The following DKKL1 variants were observed in gnomAD, a reference collection of about 807,000 sequenced individuals.
DKKL1 encodes the protein dickkopf-like protein 1.
DKKL1 carries 11 observed loss-of-function variants against 16.5 expected under a neutral mutation model. The ratio of observed to expected loss-of-function variants is 0.67; its 90% CI spans 0.42 to 1.10. The LOEUF (loss-of-function observed/expected upper bound fraction) is 1.10, where lower values mean the gene tolerates loss of function less well. Ranked by LOEUF, DKKL1 falls within the 50% of genes least tolerant of loss-of-function variation. DKKL1 has a pLI of 0.00. For missense variants in DKKL1, 320 were observed against 308.1 expected (o/e 1.04, Z -0.29); for synonymous variants, 119 against 133.2 (o/e 0.89, Z 0.73).
At chr19:49,363,625 T>A, upstream of DKKL1, 1 of 340,424 alleles carries the variant, frequency 2.9e-6, no homozygotes, top group Admixed American at 4.2e-5. Flanking sequence ...CGCCAGGACT[T>A]CCAGGACTTG....
chr19:49,363,256 G>A (rs1973080677), upstream of DKKL1: 1 of 152,144 alleles, frequency 6.6e-6, no homozygotes, highest in African/African-American at 2.5e-5. Context: ...GGTCCTCAGG[G>A]AAAAGGAAGT....
chr19:49,362,364 C>T (rs989145177), upstream of DKKL1: 2 of 152,248 alleles, frequency 1.3e-5, no homozygotes, highest in African/African-American at 4.8e-5. Context: ...CCCGCCGGCG[C>T]CTTCCTACCT....
At chr19:49,369,323 TTTTTTG>T (rs370078046) in intron 4 of DKKL1, 3 of 142,156 alleles carry the variant, frequency 2.1e-5, no homozygotes, top group African/African-American at 9.4e-5. Flanking sequence ...CAGCTAATTT[TTTTTTG>T]TTTGTTTTTT....
In DKKL1 at chr19:49,375,048, C is replaced by A; in HGVS notation, c.*20C>A. ...CTGTAGGGGTGGGGACCGGGGAGCA[C>A]CTGCCTGTAGCCCCCATCAGACCCT... is the stretch of plus-strand genomic sequence containing the variant. On this transcript the variant is annotated 3_prime_UTR_variant, in exon 5 of 5. Transcript: ENST00000221498. 6.3e-7 allele frequency: 1 copy of A among 1,580,474 alleles called. No individual in the cohort carries two copies. Among genetic ancestry groups the A allele is most frequent in the East Asian group, 2.3e-5 (1 of 44,328 alleles).
At chr19:49,364,057 C>G in intron 1 of DKKL1, 49 bp downstream of exon 1, 1 of 1,608,694 alleles carries the variant, frequency 6.2e-7, no homozygotes, top group Non-Finnish European at 8.5e-7. Context: ...GAGGAAAAGA[C>G]CATTGGATGA....
upstream of DKKL1, chr19:49,363,128 G>A (rs7250522): frequency 0.26 from 38,877 of 151,406 alleles, 5,191 homozygotes; most frequent in African/African-American, 0.31. Context: ...CGGCTGTCCC[G>A]GGACGGGGAA....
At chr19:49,372,102 T>TA (rs557141625) in intron 4 of DKKL1, among the ~76,000 whole-genome samples, 273 of 151,404 alleles carry the variant, frequency 1.8e-3, no homozygotes, top group Middle Eastern at 6.8e-3. Context: ...GTCTTTATGG[T>TA]AAAAAAAAAT....
chr19:49,364,710 G>A lies in DKKL1; in HGVS notation c.139G>A (p.Gly47Ser). Residue 47 changes from glycine to serine, a missense_variant, in exon 2 of 5, where the codon GGC (glycine) becomes AGC (serine). Coordinates refer to ENST00000221498, the MANE Select transcript of DKKL1 (RefSeq NM_014419.4). The stretch of plus-strand genomic sequence containing the variant: ...CCAAGAGAGCTCCTTGGGTCTCACA[G>A]GCCTCCAGAGCCTACTCCAAGGCTT... The part of the protein sequence containing the change: ...DAQESSLGLT[G>S]LQSLLQGFSR... 3.1e-6 allele frequency: 5 copies of A among 1,614,132 alleles called. No individual in the cohort carries two copies. Among genetic ancestry groups the A allele is most frequent in the South Asian group, 1.1e-5 (1 of 91,074 alleles).
intron 4 of DKKL1, chr19:49,371,154 AG>A (rs1973466932): frequency 6.6e-6 from 1 of 152,324 alleles, no homozygotes; most frequent in Non-Finnish European, 1.5e-5. Flanking sequence ...CTGAAAAGGC[AG>A]AAGAAATGTA....
At chr19:49,365,488 C>T (rs1240985844) in intron 2 of DKKL1, 21 bp from the exon 3 acceptor site, 2 of 1,579,362 alleles carry the variant, frequency 1.3e-6, no homozygotes, top group Admixed American at 1.7e-5. Context: ...AGCAGCTCAC[C>T]AGTCCCTCCT....
rs370996875 is a variant in DKKL1 at position 49,370,803 on chromosome 19, G to A, written c.418-3914G>A. On this transcript the variant is annotated intron_variant, in intron 4 of 4. Coordinates refer to ENST00000221498, the MANE Select transcript of DKKL1 (RefSeq NM_014419.4). ...TAAATGATTTCAAGGATGACCTGGC[G>A]GGGATGGTGATCAGTGAAAAGTCCC... 4.6e-5 allele frequency: 7 copies of A among 152,306 alleles called. No individual in the cohort carries two copies. The East Asian group carries it at 7.7e-4, about 17-fold the overall frequency. The allele number at this position is 152,306 out of a possible 1,614,324, so 9.4% of individuals were successfully genotyped here.
At chr19:49,363,285 G>T (rs1420508323), upstream of DKKL1, 1 of 153,030 alleles carries the variant, frequency 6.5e-6, no homozygotes, top group Non-Finnish European at 1.5e-5. Flanking sequence ...GGGTTCCTTG[G>T]AAGATGAAAT....
intron 4 of DKKL1, among the ~76,000 whole-genome samples, chr19:49,372,915 C>T (rs1442951162): frequency 6.6e-6 from 1 of 151,912 alleles, no homozygotes. Context: ...GCAGGAAAAT[C>T]GTTTGAACCC....
At chr19:49,368,170 G>A (rs750351778) in intron 4 of DKKL1, among the ~76,000 whole-genome samples, 5 of 152,004 alleles carry the variant, frequency 3.3e-5, no homozygotes, top group South Asian at 2.1e-4. Context: ...AAAATTAGCC[G>A]GGCATGGCAG....
intron 4 of DKKL1, among the ~76,000 whole-genome samples, chr19:49,372,367 T>C (rs1007664063): frequency 5.3e-5 from 8 of 151,950 alleles, no homozygotes; most frequent in Non-Finnish European, 1.2e-4. Context: ...GAGACCAGCC[T>C]GGCTAACGTA....
upstream of DKKL1, among the ~76,000 whole-genome samples, chr19:49,360,878 T>G (rs1184231050): frequency 9.4e-5 from 7 of 74,346 alleles, no homozygotes; most frequent in East Asian, 4.5e-4. Flanking sequence ...GAGGTGGGGA[T>G]AGAGACCCAG....
At chr19:49,367,821 T>A (rs1906335480) in intron 4 of DKKL1, among the ~76,000 whole-genome samples, 1 of 152,244 alleles carries the variant, frequency 6.6e-6, no homozygotes, top group Admixed American at 6.5e-5. Flanking sequence ...TACATCCATA[T>A]GATACCCACG....
Position 49,363,924 on chromosome 19 carries a change from C to G in DKKL1, c.-75C>G. On this transcript the variant is annotated 5_prime_UTR_variant, in exon 1 of 5. Coordinates refer to ENST00000221498, the MANE Select transcript of DKKL1 (RefSeq NM_014419.4). ...CTGTTTGGCTTTAACAGTACGTGGG[C>G]GGCCGGAATCCGGGAGTCCGGTGAC... is the stretch of plus-strand genomic sequence containing the variant. 6.3e-7 allele frequency: 1 copy of G among 1,589,710 alleles called. No individual in the cohort carries two copies. Among genetic ancestry groups the G allele is most frequent in the East Asian group, 2.3e-5 (1 of 43,950 alleles).
In DKKL1 at chr19:49,374,732, G is replaced by A. The variant is rs781208846; in HGVS notation, c.433G>A (p.Glu145Lys). The A allele has an allele frequency of 1.3e-5, 20 of 1,533,990 alleles. No individual in the cohort carries two copies. In the Admixed American group the frequency reaches 3.3e-4, roughly 25 times the overall value. The change falls in exon 5 of 5, where the codon GAG (glutamate) becomes AAG (lysine). Residue 145 changes from glutamate (E) to lysine (K), a missense_variant. Physicochemically the swap from Glu to Lys is moderately conservative, Grantham distance 56. Coordinates refer to ENST00000221498, the MANE Select transcript of DKKL1 (RefSeq NM_014419.4). ...EGDLKVPRME[E>K]KEALVPIQKA... ...TCCTCCCCAGGTACCCAGGATGGAG[G>A]AGAAGGAGGCCCTGGTACCCATCCA...
Sources: gnomAD v4.1 joint callset for allele counts (sites outside exome capture counted in the v4.1 genomes callset) on GRCh38, gnomAD v4.1.1 for gene constraint, MANE v1.5 for transcripts, NCBI Gene and HGNC (gene_info 2026-07-23, HGNC 2026-07-21) for gene names.